Variants in GRB2 observed in about 807,000 individuals in gnomAD.
GRB2 encodes the protein growth factor receptor bound protein 2.
GRB2 carries 2 observed loss-of-function variants against 27.4 expected under a neutral mutation model. That is an observed-to-expected ratio of 0.07 (90% CI 0.03 to 0.23). GRB2 has a LOEUF of 0.23. GRB2 is among the 10% of genes least tolerant of loss of function. GRB2 has a pLI of 1.00. For missense variants in GRB2, 102 were observed against 282.4 expected (o/e 0.36, Z 4.58); for synonymous variants, 94 against 99.6 (o/e 0.94, Z 0.33).
At chr17:75,369,690 CAA>C (rs35811117) in intron 2 of GRB2, among the ~76,000 whole-genome samples, 25 of 120,608 alleles carry the variant, frequency 2.1e-4, no homozygotes, top group Admixed American at 3.5e-4. Context: ...CCGTCTCCAC[CAA>C]AAAAAAAAAA....
At chr17:75,336,723 G>A (rs1233358855) in intron 2 of GRB2, among the ~76,000 whole-genome samples, 7 of 152,134 alleles carry the variant, frequency 4.6e-5, no homozygotes, top group African/African-American at 1.7e-4. Flanking sequence ...TGGAATTAAT[G>A]CTTTTAAAAA....
At chr17:75,336,371 G>A (rs897470295) in intron 2 of GRB2, among the ~76,000 whole-genome samples, 27 of 152,122 alleles carry the variant, frequency 1.8e-4, no homozygotes, top group African/African-American at 6.5e-4. Context: ...CTTGTTCTTG[G>A]AAGACAGAGA....
chr17:75,380,957 G>A (rs2078923979), intron 2 of GRB2, among the ~76,000 whole-genome samples: 1 of 152,164 alleles, frequency 6.6e-6, no homozygotes, highest in African/African-American at 2.4e-5. Context: ...TATGTATTCT[G>A]GTTAGGGATT....
At chr17:75,326,660 C>A (rs768429134) in intron 3 of GRB2, among the ~76,000 whole-genome samples, 4 of 152,226 alleles carry the variant, frequency 2.6e-5, no homozygotes, top group Non-Finnish European at 5.9e-5. Context: ...TTACCATATG[C>A]TCAGCAGCTA....
At chr17:75,331,671 T>A (rs886430788) in intron 3 of GRB2, among the ~76,000 whole-genome samples, 5 of 152,214 alleles carry the variant, frequency 3.3e-5, no homozygotes, top group African/African-American at 7.2e-5. Flanking sequence ...AACCTAAGAC[T>A]GTTTTTTAAA....
intron 2 of GRB2, among the ~76,000 whole-genome samples, chr17:75,352,520 CA>C (rs2078699153): frequency 1.3e-5 from 2 of 152,322 alleles, no homozygotes; most frequent in South Asian, 4.1e-4. Flanking sequence ...GGTCAGGCCC[CA>C]GTACCAACAG....
intron 2 of GRB2, among the ~76,000 whole-genome samples, chr17:75,381,720 C>CAA (rs373432382): frequency 3.1e-4 from 30 of 98,288 alleles, no homozygotes; most frequent in African/African-American, 1.5e-3. Flanking sequence ...GACTCCGTCT[C>CAA]AAAAAAAAAA....
At chr17:75,402,293 C>G (rs1476668068) in intron 1 of GRB2, among the ~76,000 whole-genome samples, 1 of 152,144 alleles carries the variant, frequency 6.6e-6, no homozygotes, top group Admixed American at 6.5e-5. Flanking sequence ...AATCTTTCGT[C>G]TGAGTCTACA....
At chr17:75,379,379 T>C (rs1315274513) in intron 2 of GRB2, among the ~76,000 whole-genome samples, 2 of 141,988 alleles carry the variant, frequency 1.4e-5, no homozygotes, top group Non-Finnish European at 3.0e-5. Flanking sequence ...AAGAATTAAA[T>C]AAAGAAGACA....
intron 2 of GRB2, among the ~76,000 whole-genome samples, chr17:75,349,220 GCT>G (rs573968821): frequency 1.3e-3 from 195 of 152,298 alleles, no homozygotes; most frequent in African/African-American, 4.2e-3. Context: ...ACTACACATT[GCT>G]CTCTTTTGAT....
chr17:75,340,243 T>C (rs1383826438), intron 2 of GRB2, among the ~76,000 whole-genome samples: 1 of 152,202 alleles, frequency 6.6e-6, no homozygotes, highest in African/African-American at 2.4e-5. Context: ...AGAACATTTG[T>C]GCATGAATGA....
intron 2 of GRB2, among the ~76,000 whole-genome samples, chr17:75,356,534 A>C (rs1434634271): frequency 6.6e-6 from 1 of 152,214 alleles, no homozygotes; most frequent in African/African-American, 2.4e-5. Flanking sequence ...ATTAGTTTGC[A>C]TGTATAATTT....
chr17:75,393,755 A>G lies in GRB2; in HGVS notation c.-127T>C. On this transcript the variant is annotated 5_prime_UTR_variant, in exon 2 of 6. Coordinates refer to ENST00000316804, the MANE Select transcript of GRB2 (RefSeq NM_002086.5). ...GACTCGCTCCGGCACTCTGGGACACACAATGCCACCCTGAAGCAGGAGAGG... is the reference window on the plus strand; with the variant it reads ...GACTCGCTCCGGCACTCTGGGACACGCAATGCCACCCTGAAGCAGGAGAGG... 1.4e-6 allele frequency: 1 copy of G among 706,766 alleles called. No homozygotes were observed. The highest frequency in any genetic ancestry group is 1.6e-5 in the South Asian group (1 of 62,172). 43.8% of individuals were successfully genotyped at this position (706,766 alleles called of 1,614,324 possible).
At chr17:75,383,640 G>C (rs1376908709) in intron 2 of GRB2, among the ~76,000 whole-genome samples, 1 of 152,034 alleles carries the variant, frequency 6.6e-6, no homozygotes, top group African/African-American at 2.4e-5. Context: ...TCAGGAGTTC[G>C]AGACCAGCCC....
At chr17:75,368,240 G>C (rs1165708553) in intron 2 of GRB2, among the ~76,000 whole-genome samples, 3 of 135,644 alleles carry the variant, frequency 2.2e-5, no homozygotes, top group Non-Finnish European at 4.7e-5. Flanking sequence ...TTGAGACAGA[G>C]TCTCTCACTC....
intron 2 of GRB2, chr17:75,372,999 G>A (rs751168470): frequency 6.6e-6 from 1 of 152,238 alleles, no homozygotes; most frequent in African/African-American, 2.4e-5. Context: ...CCAGCACTTT[G>A]GGAGGCCGAG....
At chr17:75,335,873 C>G (rs368436009) in intron 2 of GRB2, among the ~76,000 whole-genome samples, 1 of 152,140 alleles carries the variant, frequency 6.6e-6, no homozygotes, top group Non-Finnish European at 1.5e-5. Context: ...ATGCAAGGTA[C>G]ACTCATAATT....
chr17:75,388,251 C>T (rs1282138871), intron 2 of GRB2, among the ~76,000 whole-genome samples: 1 of 151,786 alleles, frequency 6.6e-6, no homozygotes, highest in African/African-American at 2.4e-5. Context: ...TACGCACGCG[C>T]ACCACCGGGC....
intron 2 of GRB2, among the ~76,000 whole-genome samples, chr17:75,354,515 C>G (rs190457594): frequency 6.6e-6 from 1 of 152,112 alleles, no homozygotes; most frequent in Non-Finnish European, 1.5e-5. Context: ...ACTGCTCACG[C>G]GAGGGATCTA....
Sources: gnomAD v4.1 joint callset for allele counts (sites outside exome capture counted in the v4.1 genomes callset) on GRCh38, gnomAD v4.1.1 for gene constraint, MANE v1.5 for transcripts, NCBI Gene and HGNC (gene_info 2026-07-23, HGNC 2026-07-21) for gene names.